CPNE4: variants seen among roughly 807,000 people sequenced by gnomAD.
The protein encoded by CPNE4 is copine 4.
A neutral mutation model predicts 67.9 loss-of-function variants in CPNE4; 25 were observed. That is an observed-to-expected ratio of 0.37 (90% CI 0.27 to 0.51). The LOEUF (loss-of-function observed/expected upper bound fraction) is 0.51, where lower values mean the gene tolerates loss of function less well. Among genes scored for constraint, CPNE4 ranks in the 20% least tolerant of loss-of-function variants. The pLI, the probability that CPNE4 is intolerant of heterozygous loss-of-function variation, is 0.93. For missense variants in CPNE4, 464 were observed against 690.8 expected (o/e 0.67, Z 3.68); for synonymous variants, 242 against 244.9 (o/e 0.99, Z 0.11).
chr3:131,966,495 AG>A (rs1303323857), intron 1 of CPNE4, among the ~76,000 whole-genome samples: 1 of 152,212 alleles, frequency 6.6e-6, no homozygotes, highest in Non-Finnish European at 1.5e-5. Flanking sequence ...AAAGAAGAAA[AG>A]AGAAAAGAAT....
chr3:131,586,960 T>C (rs889400773), intron 8 of CPNE4, among the ~76,000 whole-genome samples: 1 of 152,088 alleles, frequency 6.6e-6, no homozygotes, highest in African/African-American at 2.4e-5. Context: ...TTTGGAGGAT[T>C]CAAATAATTT....
intron 7 of CPNE4, among the ~76,000 whole-genome samples, chr3:131,592,398 T>C (rs1938588331): frequency 6.6e-6 from 1 of 152,212 alleles, no homozygotes; most frequent in Non-Finnish European, 1.5e-5. Context: ...TTGTCTTAAC[T>C]GAGCATCTTT....
intron 7 of CPNE4, among the ~76,000 whole-genome samples, chr3:131,632,890 G>A (rs114717472): frequency 6.6e-5 from 10 of 152,222 alleles, no homozygotes; most frequent in Non-Finnish European, 1.0e-4. Context: ...CCCACTAGAT[G>A]CCCATAGCAC....
intron 2 of CPNE4, among the ~76,000 whole-genome samples, chr3:131,900,923 A>T (rs1179888039): frequency 6.6e-6 from 1 of 152,154 alleles, no homozygotes; most frequent in East Asian, 1.9e-4. Context: ...TTTCAGAATT[A>T]CTTAGAGCTT....
intron 1 of CPNE4, among the ~76,000 whole-genome samples, chr3:131,995,726 A>G (rs931676297): frequency 2.6e-5 from 4 of 152,184 alleles, no homozygotes; most frequent in African/African-American, 9.7e-5. Context: ...CTGAGAAATC[A>G]TCTACATAGT....
At chr3:131,772,863 C>T (rs1431232805) in intron 2 of CPNE4, among the ~76,000 whole-genome samples, 3 of 152,082 alleles carry the variant, frequency 2.0e-5, no homozygotes, top group African/African-American at 7.2e-5. Flanking sequence ...TGAAGTGCCC[C>T]TGGGCTGATG....
intron 1 of CPNE4, among the ~76,000 whole-genome samples, chr3:132,024,238 C>G (rs898366060): frequency 1.3e-5 from 2 of 152,008 alleles, no homozygotes; most frequent in African/African-American, 4.8e-5. Flanking sequence ...CACACACCAC[C>G]ACGCCGGGCT....
intron 1 of CPNE4, among the ~76,000 whole-genome samples, chr3:132,018,535 A>G (rs1029057810): frequency 1.3e-5 from 2 of 152,032 alleles, no homozygotes; most frequent in Non-Finnish European, 1.5e-5. Context: ...TGAAGTAGGG[A>G]CTTTCTTCCC....
Position 131,723,608 on chromosome 3 carries a change from C to T in CPNE4, c.198G>A (p.Val66=), listed in dbSNP as rs2081937774. ...ACACTGGGTTTATGCAGGTGCGAAT[C>T]ACCTCAGTCCTGTCAACCTGCAAGG... ...GQWFEVDRTE[V]IRTCINPVYS... is the part of the protein sequence containing the mutation. The change falls in exon 3 of 16, where the codon GTG becomes GTA. Residue 66 remains valine, a synonymous_variant. Coordinates refer to ENST00000429747, the MANE Select transcript of CPNE4 (RefSeq NM_130808.3). The T allele has an allele frequency of 6.2e-7, 1 of 1,611,304 alleles. No homozygotes were observed. Among genetic ancestry groups the T allele is most frequent in the Non-Finnish European group, 8.5e-7 (1 of 1,178,812 alleles).
intron 3 of CPNE4, among the ~76,000 whole-genome samples, chr3:131,711,464 C>T (rs148717360): frequency 4.4e-4 from 67 of 152,202 alleles, no homozygotes; most frequent in African/African-American, 6.0e-4. Context: ...GGCTTGAAAA[C>T]GTGTGCTGGC....
At position 131,591,826 on chromosome 3, in the gene CPNE4, G is replaced by A. The variant is rs77792053; in HGVS notation, c.682-4244C>T. ...GCTCTGATGCAGCTGACAGAGGAAC[G>A]CATCTTGGTGAAAAGTAAACAGATC... On this transcript the variant is annotated intron_variant, in intron 7 of 15. Transcript: ENST00000429747. 2.9e-3 allele frequency among the ~76,000 whole-genome samples: 434 copies of A among 152,254 alleles called. 2 individuals are homozygous for A. Among genetic ancestry groups the A allele is most frequent in the African/African-American group, 9.9e-3 (411 of 41,556 alleles).
chr3:131,940,968 G>A (rs1193092782), intron 1 of CPNE4, among the ~76,000 whole-genome samples: 5 of 152,146 alleles, frequency 3.3e-5, no homozygotes, highest in East Asian at 1.9e-4. Flanking sequence ...CATGGACTCC[G>A]AGGAGTAGGA....
At chr3:131,563,656 A>G (rs1469267211) in intron 11 of CPNE4, among the ~76,000 whole-genome samples, 2 of 152,078 alleles carry the variant, frequency 1.3e-5, no homozygotes, top group East Asian at 3.9e-4. Flanking sequence ...TCAGTGAAGC[A>G]TAGTGATTAC....
intron 1 of CPNE4, among the ~76,000 whole-genome samples, chr3:132,021,231 T>C (rs960018510): frequency 6.6e-6 from 1 of 152,168 alleles, no homozygotes; most frequent in African/African-American, 2.4e-5. Flanking sequence ...ATTTTATAAA[T>C]GGGTAAATGG....
chr3:131,659,918 C>T (rs1452704612), intron 7 of CPNE4, among the ~76,000 whole-genome samples: 1 of 152,128 alleles, frequency 6.6e-6, no homozygotes, highest in Non-Finnish European at 1.5e-5. Context: ...TCACAAGGAG[C>T]AGGTTCAAAG....
intron 2 of CPNE4, among the ~76,000 whole-genome samples, chr3:131,832,422 CAG>C (rs2085410308): frequency 6.6e-6 from 1 of 152,158 alleles, no homozygotes; most frequent in Admixed American, 6.5e-5. Flanking sequence ...AAGGACTAGA[CAG>C]AGTCTCTGCC....
intron 1 of CPNE4, among the ~76,000 whole-genome samples, chr3:131,964,888 TC>T (rs1414188770): frequency 2.0e-5 from 3 of 152,090 alleles, no homozygotes; most frequent in African/African-American, 7.2e-5. Context: ...ACTAAGATAC[TC>T]CTTGAGAAGA....
In CPNE4 at chr3:131,662,216, C is replaced by G. The variant is rs75927064; in HGVS notation, c.681+7459G>C. Among the ~76,000 whole-genome samples the G allele has an allele frequency of 1.6e-4, 25 of 152,268 alleles. No homozygotes were observed. The East Asian group carries it at 4.8e-3, about 29-fold the overall frequency. On this transcript the variant is annotated intron_variant, in intron 7 of 15. Coordinates refer to ENST00000429747, the MANE Select transcript of CPNE4 (RefSeq NM_130808.3). ...AAAGGGGGAAGTTCCGAGGCAAACT[C>G]TATGAGTGGACTCAAATCCATTTGG...
intron 2 of CPNE4, among the ~76,000 whole-genome samples, chr3:131,777,148 C>G (rs912452747): frequency 4.6e-5 from 7 of 152,046 alleles, no homozygotes; most frequent in Non-Finnish European, 7.4e-5. Flanking sequence ...CTGAAAGGGG[C>G]GTTATCTTAT....
Sources: gnomAD v4.1 joint callset for allele counts (sites outside exome capture counted in the v4.1 genomes callset) on GRCh38, gnomAD v4.1.1 for gene constraint, MANE v1.5 for transcripts, NCBI Gene and HGNC (gene_info 2026-07-23, HGNC 2026-07-21) for gene names.